The following SAFB variants were observed in gnomAD, a reference collection of about 807,000 sequenced individuals.
SAFB encodes scaffold attachment factor B1.
SAFB carries 15 observed loss-of-function variants against 101.6 expected under a neutral mutation model. The observed-to-expected ratio is 0.15, with a 90% CI of 0.10 to 0.23. The LOEUF is 0.23. Among genes scored for constraint, SAFB ranks in the 10% least tolerant of loss-of-function variants. The pLI is 1.00. For synonymous variants in SAFB, 449 were observed against 407.5 expected (o/e 1.10, Z -1.23); for missense variants, 930 against 1,104.1 (o/e 0.84, Z 2.23).
chr19:5,668,017 T>C (rs2054375752), intron 20 of SAFB, 131 bp downstream of exon 20: 6 of 1,411,104 alleles, frequency 4.3e-6, no homozygotes, highest in Non-Finnish European at 5.8e-6. Flanking sequence ...AGGCATGGGG[T>C]ACTGTGGAGG....
At chr19:5,654,559 G>T (rs1248538338) in intron 13 of SAFB, 103 bp downstream of exon 13, 4 of 805,944 alleles carry the variant, frequency 5.0e-6, no homozygotes, top group East Asian at 4.9e-5. Flanking sequence ...AAAAGCTTTT[G>T]TCGGCCGTTT....
intron 2 of SAFB, among the ~76,000 whole-genome samples, chr19:5,627,627 G>C (rs536906290): frequency 6.6e-6 from 1 of 152,058 alleles, no homozygotes; most frequent in African/African-American, 2.4e-5. Flanking sequence ...AATCTCTCTT[G>C]CCCATCCCCC....
At chr19:5,637,521 T>C (rs2053620613) in intron 2 of SAFB, among the ~76,000 whole-genome samples, 1 of 151,762 alleles carries the variant, frequency 6.6e-6, no homozygotes, top group Non-Finnish European at 1.5e-5. Flanking sequence ...CCAAGCATGG[T>C]GGCACGTGCC....
rs1018086010 is a variant in SAFB at position 5,661,771 on chromosome 19, C to T, written c.2116C>T (p.Arg706Trp). Residue 706 changes from arginine (R) to tryptophan (W), a missense_variant, in exon 15 of 21, where the codon CGG (arginine) becomes TGG (tryptophan). Arg to Trp is a moderately radical substitution (Grantham distance 101). This residue lies in a region of SAFB where 318 missense variants were observed against 342.6 expected (regional missense o/e 0.93). Transcript: ENST00000588852. ...GCAGGAACTGCGCTATGAGCAGGAG[C>T]GGCGGCCCGCGGTGCGGCGGCCCTA... is the stretch of plus-strand genomic sequence containing the variant. ...RQQELRYEQERRPAVRRPYDL... is the reference protein window; with the variant it reads ...RQQELRYEQEWRPAVRRPYDL... 5.7e-6 allele frequency: 9 copies of T among 1,568,416 alleles called. No homozygotes were observed. Among genetic ancestry groups the T allele is most frequent in the Non-Finnish European group, 7.8e-6 (9 of 1,158,768 alleles).
At chr19:5,646,181 A>AT (rs973494846) in intron 5 of SAFB, among the ~76,000 whole-genome samples, 6 of 151,510 alleles carry the variant, frequency 4.0e-5, no homozygotes, top group African/African-American at 1.5e-4. Flanking sequence ...TTATTTATTT[A>AT]TTTTTTTTCC....
chr19:5,636,301 A>C (rs1311958570), intron 2 of SAFB, among the ~76,000 whole-genome samples: 1 of 152,088 alleles, frequency 6.6e-6, no homozygotes, highest in Non-Finnish European at 1.5e-5. Flanking sequence ...ACAGAAACCA[A>C]CGTACGTATC....
chr19:5,637,226 C>G (rs2053613949), intron 2 of SAFB, among the ~76,000 whole-genome samples: 1 of 150,916 alleles, frequency 6.6e-6, no homozygotes, highest in Non-Finnish European at 1.5e-5. Flanking sequence ...TGCCTGTAGT[C>G]CCAGCTACTC....
chr19:5,658,852 GGGGGGGTC>G (rs2054128139), intron 14 of SAFB, among the ~76,000 whole-genome samples: 1 of 134,980 alleles, frequency 7.4e-6, no homozygotes, highest in African/African-American at 2.8e-5. Context: ...CAAAAAAAAA[GGGGGGGTC>G]GGGGGGCCGG....
At chr19:5,634,119 A>T in intron 2 of SAFB, among the ~76,000 whole-genome samples, 1 of 152,266 alleles carries the variant, frequency 6.6e-6, no homozygotes. Context: ...AATAGTAAAT[A>T]GAATTAACAG....
chr19:5,629,259 AC>A (rs2053437138), intron 2 of SAFB, among the ~76,000 whole-genome samples: 1 of 152,166 alleles, frequency 6.6e-6, no homozygotes, highest in South Asian at 2.1e-4. Flanking sequence ...GTCTAGAAAA[AC>A]AAAAAGTTAA....
rs1234012553 is a variant in SAFB at position 5,667,465 on chromosome 19, T to C, written c.2557+15T>C. 4.0e-6 allele frequency: 6 copies of C among 1,493,936 alleles called. No individual in the cohort carries two copies. Among genetic ancestry groups the C allele is most frequent in the Non-Finnish European group, 4.5e-6 (5 of 1,115,670 alleles). 92.5% of individuals were successfully genotyped at this position (1,493,936 alleles called of 1,614,324 possible). A position where few individuals can be genotyped will look rare whatever the true frequency, so the allele number is the denominator to read the frequency against. On this transcript the variant is annotated intron_variant, in intron 19 of 20. Transcript: ENST00000588852. The surrounding 1 kb of genome is among the most constrained non-coding windows in gnomAD (Gnocchi z 4.0). Reference sequence around the variant, plus strand: ...GAGGTGGCAAGGTGAGGAGCAGCTCTGGGCTGGGACCAGGATGTGCTGGGG... The same window carrying C: ...GAGGTGGCAAGGTGAGGAGCAGCTCCGGGCTGGGACCAGGATGTGCTGGGG...
intron 2 of SAFB, among the ~76,000 whole-genome samples, chr19:5,633,706 GA>G (rs1189796840): frequency 6.6e-6 from 1 of 151,992 alleles, no homozygotes; most frequent in Non-Finnish European, 1.5e-5. Context: ...GTGAACCCGG[GA>G]GGTGGAGCTT....
At chr19:5,630,724 C>G (rs1007905993) in intron 2 of SAFB, among the ~76,000 whole-genome samples, 5 of 151,298 alleles carry the variant, frequency 3.3e-5, no homozygotes, top group African/African-American at 4.9e-5. Context: ...CCACTGCACT[C>G]CAGCCTGGGC....
rs948165858 is a variant in SAFB, at chr19:5,649,811, A to G, written c.1149-115A>G. 42 of 971,210 alleles carry G rather than the reference A, an allele frequency of 4.3e-5. 1 individual carries two copies. In the African/African-American group the frequency reaches 6.5e-4, roughly 15 times the overall value. 60.2% of individuals were successfully genotyped at this position (971,210 alleles called of 1,614,324 possible). ...TTCAATACAAGTTTGTCGGGGTATC[A>G]TTTTTTCAGAACTAAATTTCGGGTA... On this transcript the variant is annotated intron_variant, in intron 7 of 20. Coordinates refer to ENST00000588852, the MANE Select transcript of SAFB (RefSeq NM_001201338.2).
intron 1 of SAFB, 91 bp downstream of exon 1, chr19:5,623,485 G>T: frequency 8.7e-7 from 1 of 1,154,442 alleles, no homozygotes; most frequent in Non-Finnish European, 1.2e-6. Context: ...TCCGCCCCCG[G>T]CCGCGTTCGC....
rs528030781 is a variant in SAFB at position 5,636,429 on chromosome 19, G to T, written c.275-5165G>T. Among the ~76,000 whole-genome samples, 3 of 151,962 alleles carry T rather than the reference G, an allele frequency of 2.0e-5. 1 individual carries two copies. Among genetic ancestry groups the T allele is most frequent in the Non-Finnish European group, 4.4e-5 (3 of 67,954 alleles). On this transcript the variant is annotated intron_variant, in intron 2 of 20. Transcript: ENST00000588852. Reference sequence around the variant, plus strand: ...TTCCAGCTGTTTTTTAGACCTCGAGGCATGTTTTGCCAAAGAAATAATGGT... The same window carrying T: ...TTCCAGCTGTTTTTTAGACCTCGAGTCATGTTTTGCCAAAGAAATAATGGT...
In SAFB at chr19:5,654,167, G is replaced by A. The variant is rs759754429; in HGVS notation, c.1633G>A (p.Gly545Ser). 6.2e-7 allele frequency: 1 copy of A among 1,614,090 alleles called. No individual in the cohort carries two copies. Among genetic ancestry groups the A allele is most frequent in the African/African-American group, 1.3e-5 (1 of 74,932 alleles). ...KSKDQDDQKP[G>S]PSERSRATKS... is the part of the protein sequence containing the mutation. ...TAAGGACCAAGATGATCAGAAACCTGGCCCCTCAGAGCGATCTCGAGCCAC... is the reference window on the plus strand; with the variant it reads ...TAAGGACCAAGATGATCAGAAACCTAGCCCCTCAGAGCGATCTCGAGCCAC... The change falls in exon 12 of 21, where the codon GGC becomes AGC. Residue 545 changes from glycine to serine, a missense_variant. This residue lies in a region of SAFB where 159 missense variants were observed against 234.1 expected (regional missense o/e 0.68). Transcript: ENST00000588852.
At chr19:5,662,709 C>T (rs2054242407) in intron 15 of SAFB, among the ~76,000 whole-genome samples, 1 of 150,040 alleles carries the variant, frequency 6.7e-6, no homozygotes, top group Admixed American at 6.6e-5. Context: ...GGCGCGATCG[C>T]TGCTCACTGC....
chr19:5,639,195 T>G (rs1409842739), intron 2 of SAFB, among the ~76,000 whole-genome samples: 2 of 152,170 alleles, frequency 1.3e-5, no homozygotes, highest in Non-Finnish European at 2.9e-5. Context: ...ATTTAGTCAG[T>G]GGTGCTGGGA....
Sources: gnomAD v4.1 joint callset for allele counts (sites outside exome capture counted in the v4.1 genomes callset) on GRCh38, gnomAD v4.1.1 for gene constraint, gnomAD v4.1.1 regional missense constraint, Gnocchi (gnomAD v3.1) non-coding constraint, MANE v1.5 for transcripts, NCBI Gene and HGNC (gene_info 2026-07-23, HGNC 2026-07-21) for gene names.